The following GPHN variants were observed in gnomAD, a reference collection of about 807,000 sequenced individuals.
GPHN encodes the protein gephyrin.
A neutral mutation model predicts 95.5 loss-of-function variants in GPHN; 17 were observed. The observed-to-expected ratio is 0.18, with a 90% CI of 0.12 to 0.27. GPHN has a LOEUF of 0.27. GPHN is among the 10% of genes least tolerant of loss of function. The probability of loss-of-function intolerance (pLI) is 1.00; values close to 1 mark genes in which losing one functional copy is unlikely to be tolerated. For synonymous variants in GPHN, 320 were observed against 322.5 expected, an observed-to-expected ratio of 0.99 and a Z score of 0.08; for missense variants, 660 against 978.1, an observed-to-expected ratio of 0.67 and a Z score of 4.34.
chr14:67,352,870 G>A, the GPHN span: 1 of 1,203,994 alleles, frequency 8.3e-7, no homozygotes, highest in East Asian at 2.5e-5. Context: ...AATGCCAAGG[G>A]CCATGCTGGA....
chr14:67,171,563 T>A (rs1211183725), intron 21 of GPHN, among the ~76,000 whole-genome samples: 1 of 152,050 alleles, frequency 6.6e-6, no homozygotes, highest in African/African-American at 2.4e-5. Flanking sequence ...CCCATTAGTA[T>A]TAACAACTTA....
Position 66,682,751 on chromosome 14 carries a change from A to G in GPHN, c.143+1566A>G, listed in dbSNP as rs528498901. On this transcript the variant is annotated intron_variant, in intron 2 of 22. Transcript: ENST00000478722. ...GGCGACAGAGCGAGGCTCCATCTCA[A>G]AAAAAAAATTATTATTGTATTATTT... Among the ~76,000 whole-genome samples, 367 of 151,880 alleles carry G rather than the reference A, an allele frequency of 2.4e-3. 3 individuals carry two copies. Among genetic ancestry groups the G allele is most frequent in the African/African-American group, 8.3e-3 (345 of 41,458 alleles).
the GPHN span, among the ~76,000 whole-genome samples, chr14:67,620,386 G>A: frequency 1.3e-5 from 2 of 152,044 alleles, no homozygotes; most frequent in South Asian, 4.2e-4. Flanking sequence ...GTAATGGAGG[G>A]GAGAGAATGA....
At chr14:67,504,961 T>G in the GPHN span, among the ~76,000 whole-genome samples, 15 of 152,194 alleles carry the variant, frequency 9.9e-5, no homozygotes, top group Non-Finnish European at 1.5e-4. Context: ...ATTGCTGTGT[T>G]GCTTTTATGA....
At chr14:67,578,157 G>A in the GPHN span, 1 of 1,614,002 alleles carries the variant, frequency 6.2e-7, no homozygotes, top group African/African-American at 1.3e-5. The surrounding 1 kb of genome is among the most constrained non-coding windows in gnomAD (Gnocchi z 5.0). Context: ...AACTCATGAA[G>A]CAGACCAGCT....
the GPHN span, among the ~76,000 whole-genome samples, chr14:67,460,292 A>T: frequency 6.6e-6 from 1 of 152,130 alleles, no homozygotes; most frequent in Non-Finnish European, 1.5e-5. Context: ...TGGTGCGGCT[A>T]ATTATGGACC....
Position 67,109,159 on chromosome 14 carries a change from A to T in GPHN, c.1294-981A>T, listed in dbSNP as rs2078222346. ...AAAAAGTACAGTAGAAAATATGGTA[A>T]TCTTATAGGACCACCATCATATATG... On this transcript the variant is annotated intron_variant, in intron 13 of 22. Transcript: ENST00000478722. Among the ~76,000 whole-genome samples the T allele has an allele frequency of 3.3e-5, 5 of 152,200 alleles. No individual in the cohort carries two copies. In the South Asian group the frequency reaches 1.0e-3, roughly 32 times the overall value.
At chr14:67,409,943 T>TATC in the GPHN span, among the ~76,000 whole-genome samples, 1 of 152,168 alleles carries the variant, frequency 6.6e-6, no homozygotes, top group African/African-American at 2.4e-5. Flanking sequence ...TCTGGGGCCC[T>TATC]ATCCTTCAGC....
chr14:67,198,017 G>A, the GPHN span: 4 of 866,614 alleles, frequency 4.6e-6, no homozygotes, highest in Non-Finnish European at 7.0e-6. Flanking sequence ...AGTGCCTGGT[G>A]CAGTGCCAAG....
chr14:67,562,433 C>T, the GPHN span: 2 of 1,613,826 alleles, frequency 1.2e-6, no homozygotes, highest in Non-Finnish European at 1.7e-6. Flanking sequence ...TCCCCACCAG[C>T]CATGCATGAA....
At chr14:67,375,833 A>T in the GPHN span, among the ~76,000 whole-genome samples, 1 of 152,292 alleles carries the variant, frequency 6.6e-6, no homozygotes, top group African/African-American at 2.4e-5. Context: ...CTTTTCTGGG[A>T]AAATTTCATA....
intron 5 of GPHN, among the ~76,000 whole-genome samples, chr14:66,904,518 A>C (rs1007830741): frequency 7.2e-5 from 11 of 152,158 alleles, no homozygotes; most frequent in Non-Finnish European, 1.3e-4. Flanking sequence ...AATTCTAGCT[A>C]CAGAGTACTG....
intron 13 of GPHN, 151 bp downstream of exon 13, chr14:67,101,062 C>T (rs2153678846): frequency 3.0e-6 from 2 of 672,720 alleles, no homozygotes; most frequent in South Asian, 3.2e-5. Context: ...CCCAGGAGAA[C>T]CAAAAGAATT....
chr14:67,490,389 T>C, the GPHN span, among the ~76,000 whole-genome samples: 3 of 152,140 alleles, frequency 2.0e-5, no homozygotes, highest in Non-Finnish European at 4.4e-5. Context: ...CAAGGAAGAC[T>C]GGGGCAGGAA....
At chr14:67,179,712 A>G in intron 22 of GPHN, 38 bp downstream of exon 22, 2 of 1,005,704 alleles carry the variant, frequency 2.0e-6, no homozygotes, top group Non-Finnish European at 3.2e-6. Flanking sequence ...CTAGACACCT[A>G]TCCTGTTAAA....
At chr14:67,319,312 T>G in the GPHN span, among the ~76,000 whole-genome samples, 3 of 152,270 alleles carry the variant, frequency 2.0e-5, no homozygotes, top group Non-Finnish European at 4.4e-5. Flanking sequence ...AGGCTACTAG[T>G]TATCTGCTTT....
intron 5 of GPHN, among the ~76,000 whole-genome samples, chr14:66,915,193 C>T (rs2065846154): frequency 6.6e-6 from 1 of 152,056 alleles, no homozygotes; most frequent in Non-Finnish European, 1.5e-5. Context: ...TCAGTCAAGA[C>T]ATTTGGGGAA....
chr14:66,568,591 C>A (rs1466652934), intron 1 of GPHN, among the ~76,000 whole-genome samples: 1 of 152,006 alleles, frequency 6.6e-6, no homozygotes, highest in African/African-American at 2.4e-5. Context: ...AAGCAGGTGC[C>A]TTGATTCTAA....
chr14:67,144,247 AAAAAT>A (rs1160769920), intron 18 of GPHN, among the ~76,000 whole-genome samples: 6 of 68,524 alleles, frequency 8.8e-5, no homozygotes, highest in African/African-American at 3.0e-4. Context: ...AAAAAAAAAA[AAAAAT>A]ATATATATAT....
Sources: gnomAD v4.1 joint callset for allele counts (sites outside exome capture counted in the v4.1 genomes callset) on GRCh38, gnomAD v4.1.1 for gene constraint, Gnocchi (gnomAD v3.1) non-coding constraint, MANE v1.5 for transcripts, NCBI Gene and HGNC (gene_info 2026-07-23, HGNC 2026-07-21) for gene names.